The following CTNNA2 variants were observed in gnomAD, a reference collection of about 807,000 sequenced individuals.
CTNNA2 encodes catenin alpha 2, also known as catenin alpha-2.
In CTNNA2, 42 loss-of-function variants were observed where a neutral mutation model predicts 101.0. The ratio of observed to expected loss-of-function variants is 0.42; its 90% CI spans 0.32 to 0.54. The LOEUF is 0.54. Among genes scored for constraint, CTNNA2 ranks in the 20% least tolerant of loss-of-function variants. The pLI, the probability that CTNNA2 is intolerant of heterozygous loss-of-function variation, is 0.14. For synonymous variants in CTNNA2, 450 were observed against 456.4 expected (o/e 0.99, Z 0.18); for missense variants, 871 against 1,223.1 (o/e 0.71, Z 4.29).
intron 7 of CTNNA2, among the ~76,000 whole-genome samples, chr2:80,214,004 A>G (rs1708085037): frequency 6.6e-6 from 1 of 152,088 alleles, no homozygotes; most frequent in African/African-American, 2.4e-5. Flanking sequence ...TTGTTGGTTT[A>G]AAGTCTGTTT....
rs533237436 is a variant in CTNNA2 at position 79,352,930 on chromosome 2, T to C, written c.-317-20901T>C. ...AAGGCAAAGGGGAAGCAGTCCTATA[T>C]TCAAATGGCCAGCAGGAGAAAGAGA... On this transcript the variant is annotated intron_variant, in intron 3 of 21. Coordinates refer to the CTNNA2 transcript ENST00000466387. Among the ~76,000 whole-genome samples, 7 of 152,200 alleles carry C rather than the reference T, an allele frequency of 4.6e-5. No individual in the cohort carries two copies. In the South Asian group the frequency reaches 8.3e-4, roughly 18 times the overall value.
chr2:79,326,419 T>C (rs1024919863), intron 3 of CTNNA2, among the ~76,000 whole-genome samples: 5 of 152,158 alleles, frequency 3.3e-5, no homozygotes, highest in Non-Finnish European at 5.9e-5. Flanking sequence ...GGGCTTATTT[T>C]AAAAGAGGAT....
At chr2:79,801,248 G>A (rs1375065260) in intron 3 of CTNNA2, among the ~76,000 whole-genome samples, 1 of 152,140 alleles carries the variant, frequency 6.6e-6, no homozygotes, top group Admixed American at 6.5e-5. Flanking sequence ...CCCACAGATG[G>A]AACCTAACAG....
At chr2:80,243,591 G>A (rs763088870) in intron 7 of CTNNA2, among the ~76,000 whole-genome samples, 7 of 152,116 alleles carry the variant, frequency 4.6e-5, no homozygotes, top group African/African-American at 9.7e-5. Context: ...ACATTGCATC[G>A]TGTATCGATG....
intron 7 of CTNNA2, among the ~76,000 whole-genome samples, chr2:80,148,339 C>T (rs1415996527): frequency 6.6e-6 from 1 of 152,194 alleles, no homozygotes; most frequent in Non-Finnish European, 1.5e-5. Flanking sequence ...ATGTGAAAGA[C>T]AAGGAACTGG....
intron 17 of CTNNA2, among the ~76,000 whole-genome samples, chr2:80,609,375 T>G (rs1216773572): frequency 2.0e-5 from 3 of 151,796 alleles, no homozygotes; most frequent in Non-Finnish European, 4.4e-5. Context: ...GGAAAAGAAC[T>G]GATCTGGCTT....
At chr2:79,984,579 A>G (rs1323860744) in intron 7 of CTNNA2, among the ~76,000 whole-genome samples, 4 of 152,262 alleles carry the variant, frequency 2.6e-5, no homozygotes, top group Admixed American at 2.0e-4. Flanking sequence ...AATGTACTTT[A>G]GGAAATGCAA....
intron 4 of CTNNA2, among the ~76,000 whole-genome samples, chr2:79,860,379 T>G (rs570532535): frequency 2.6e-5 from 4 of 152,102 alleles, no homozygotes; most frequent in Admixed American, 6.5e-5. Flanking sequence ...ACTCGAGAAG[T>G]GTGATAAATC....
intron 9 of CTNNA2, among the ~76,000 whole-genome samples, chr2:80,488,317 GT>G (rs796428616): frequency 6.0e-5 from 9 of 151,160 alleles, no homozygotes; most frequent in Non-Finnish European, 1.2e-4. Context: ...ATTTATTTTT[GT>G]TTTTTTTCCC....
At chr2:80,314,429 G>A (rs1400173443) in intron 7 of CTNNA2, among the ~76,000 whole-genome samples, 2 of 152,210 alleles carry the variant, frequency 1.3e-5, no homozygotes, top group East Asian at 3.8e-4. Context: ...GGAAGAAGTA[G>A]AGATCGCCTC....
intron 4 of CTNNA2, among the ~76,000 whole-genome samples, chr2:79,432,435 G>T (rs559413883): frequency 1.2e-3 from 177 of 152,110 alleles, no homozygotes; most frequent in Non-Finnish European, 2.1e-3. Flanking sequence ...TTTTAACAAT[G>T]TTATTTGTAA....
At chr2:80,014,733 G>A (rs1200490700) in intron 7 of CTNNA2, among the ~76,000 whole-genome samples, 1 of 152,108 alleles carries the variant, frequency 6.6e-6, no homozygotes, top group Non-Finnish European at 1.5e-5. Flanking sequence ...TTTGTCAACA[G>A]TCATGAAACA....
intron 15 of CTNNA2, among the ~76,000 whole-genome samples, chr2:80,598,310 GGA>G (rs1193659718): frequency 6.6e-6 from 1 of 152,094 alleles, no homozygotes; most frequent in African/African-American, 2.4e-5. Context: ...CAAGGGTTGG[GGA>G]GCAAGGGAAG....
chr2:79,704,442 C>A (rs934820860), intron 2 of CTNNA2, among the ~76,000 whole-genome samples: 1 of 151,080 alleles, frequency 6.6e-6, no homozygotes, highest in Non-Finnish European at 1.5e-5. Flanking sequence ...CAATGTTTAA[C>A]GGTAAATATC....
intron 1 of CTNNA2, among the ~76,000 whole-genome samples, chr2:79,527,634 A>T (rs1176577923): frequency 1.3e-5 from 2 of 151,818 alleles, no homozygotes; most frequent in East Asian, 3.9e-4. Flanking sequence ...AAAAAAAAAA[A>T]TTTAATAAAC....
chr2:79,785,030 A>G (rs938391125), intron 3 of CTNNA2, among the ~76,000 whole-genome samples: 27 of 152,178 alleles, frequency 1.8e-4, no homozygotes, highest in Admixed American at 1.7e-3. Context: ...TGTTAAAATA[A>G]TATGGACATG....
chr2:79,469,947 A>G (rs919901395), intron 4 of CTNNA2, among the ~76,000 whole-genome samples: 2 of 152,124 alleles, frequency 1.3e-5, no homozygotes, highest in Admixed American at 6.6e-5. Context: ...AAAACTGGAA[A>G]CATTCCCTTT....
At chr2:79,990,090 A>G (rs1692060605) in intron 7 of CTNNA2, among the ~76,000 whole-genome samples, 1 of 152,262 alleles carries the variant, frequency 6.6e-6, no homozygotes, top group South Asian at 2.1e-4. Context: ...TCCCTGAGAG[A>G]GGCTCCATGC....
intron 4 of CTNNA2, among the ~76,000 whole-genome samples, chr2:79,477,669 A>C (rs1435893104): frequency 6.6e-6 from 1 of 152,126 alleles, no homozygotes; most frequent in Non-Finnish European, 1.5e-5. Flanking sequence ...GAATCTGTCA[A>C]CTTTGATAAC....
Sources: allele counts gnomAD v4.1 joint callset (sites outside exome capture counted in the v4.1 genomes callset), GRCh38; gene constraint gnomAD v4.1.1; transcripts MANE v1.5; gene names NCBI Gene and HGNC (gene_info 2026-07-23, HGNC 2026-07-21).